The following ENAH variants were observed in gnomAD, a reference collection of about 807,000 sequenced individuals.
ENAH encodes ENAH actin regulator.
ENAH carries 23 observed loss-of-function variants against 78.7 expected under a neutral mutation model. The observed-to-expected ratio is 0.29, with a 90% CI of 0.21 to 0.41. ENAH has a LOEUF of 0.41. ENAH is among the 10% of genes least tolerant of loss of function. The pLI is 1.00. For missense variants in ENAH, 544 were observed against 691.0 expected, an observed-to-expected ratio of 0.79 and a Z score of 2.39; for synonymous variants, 226 against 241.0, an observed-to-expected ratio of 0.94 and a Z score of 0.58.
chr1:225,512,834 C>CA (rs2096387979), intron 8 of ENAH, 37 bp downstream of exon 8: 4 of 1,609,260 alleles, frequency 2.5e-6, no homozygotes, highest in African/African-American at 1.3e-5. Flanking sequence ...AAAATCCTCT[C>CA]AATTCTGGGC....
intron 1 of ENAH, among the ~76,000 whole-genome samples, chr1:225,597,655 C>CAAA (rs565567062): frequency 1.3e-4 from 8 of 61,092 alleles, no homozygotes; most frequent in South Asian, 5.1e-4. Context: ...AAGAGCATCT[C>CAAA]AAAAAAAAAA....
intron 1 of ENAH, among the ~76,000 whole-genome samples, chr1:225,598,066 A>G (rs1043196048): frequency 6.6e-6 from 1 of 152,150 alleles, no homozygotes; most frequent in Non-Finnish European, 1.5e-5. Flanking sequence ...GTTAACATAA[A>G]GAACTGAAGA....
At chr1:225,646,679 C>T (rs112786635) in intron 1 of ENAH, among the ~76,000 whole-genome samples, 39,716 of 151,852 alleles carry the variant, frequency 0.26, 6,135 homozygotes, top group East Asian at 0.4. Context: ...GTCCCACCTG[C>T]TCAGGAGGCT....
chr1:225,537,437 T>C (rs1214575434), intron 3 of ENAH, among the ~76,000 whole-genome samples: 2 of 152,196 alleles, frequency 1.3e-5, no homozygotes, highest in African/African-American at 2.4e-5. Context: ...TTCTGATAGG[T>C]TGCTTAAATT....
chr1:225,505,204 T>G, intron 11 of ENAH: 2 of 534,642 alleles, frequency 3.7e-6, no homozygotes, highest in East Asian at 6.3e-5. Context: ...CAATAAAAGA[T>G]ATTTTAAGAT....
intron 3 of ENAH, among the ~76,000 whole-genome samples, chr1:225,548,014 A>C (rs1380807129): frequency 6.6e-6 from 1 of 152,216 alleles, no homozygotes; most frequent in African/African-American, 2.4e-5. Flanking sequence ...ATCTGTGAGG[A>C]CAAGACTTGT....
chr1:225,619,824 C>CTACT (rs1656474752), intron 1 of ENAH, among the ~76,000 whole-genome samples: 1 of 152,080 alleles, frequency 6.6e-6, no homozygotes, highest in South Asian at 2.1e-4. Flanking sequence ...ATACCAAAAA[C>CTACT]TACTTGTACC....
intron 1 of ENAH, among the ~76,000 whole-genome samples, chr1:225,615,079 C>G (rs1170779607): frequency 1.3e-5 from 2 of 152,138 alleles, no homozygotes; most frequent in Non-Finnish European, 2.9e-5. Flanking sequence ...TCCACGGTCT[C>G]CCTCTGATGC....
intron 12 of ENAH, among the ~76,000 whole-genome samples, chr1:225,498,942 G>A (rs1233770106): frequency 6.6e-6 from 1 of 152,190 alleles, no homozygotes; most frequent in African/African-American, 2.4e-5. Flanking sequence ...GAAGGTGGAT[G>A]AGGCCCTGGT....
chr1:225,564,838 C>T (rs946703011), intron 2 of ENAH, among the ~76,000 whole-genome samples: 2 of 151,770 alleles, frequency 1.3e-5, no homozygotes, highest in African/African-American at 2.4e-5. Flanking sequence ...TTGGGTTAAG[C>T]TCATTATTTT....
In ENAH at chr1:225,493,500, T is replaced by C. The variant is rs1485365816; in HGVS notation, c.*4275A>G. On this transcript the variant is annotated 3_prime_UTR_variant, in exon 14 of 14. Coordinates refer to ENST00000366843, the MANE Select transcript of ENAH (RefSeq NM_018212.6). ...GCTTTTAGTGAAAAGGCAGAGGTAT[T>C]AAACATCAGTAATTTCAATATACTA... The C allele has an allele frequency of 1.3e-5, 2 of 152,230 alleles. No homozygotes were observed. Among genetic ancestry groups the C allele is most frequent in the East Asian group, 3.8e-4 (2 of 5,208 alleles). The allele number at this position is 152,230 out of a possible 1,614,324, so 9.4% of individuals were successfully genotyped here.
chr1:225,562,218 GC>G (rs2096709813), intron 2 of ENAH, among the ~76,000 whole-genome samples: 2 of 151,842 alleles, frequency 1.3e-5, no homozygotes, highest in South Asian at 4.2e-4. Flanking sequence ...ACTGCACCCA[GC>G]CAACATTCCC....
intron 4 of ENAH, among the ~76,000 whole-genome samples, chr1:225,526,916 T>C (rs1039861704): frequency 5.9e-5 from 9 of 152,174 alleles, no homozygotes; most frequent in African/African-American, 2.2e-4. Context: ...TGTTCATATT[T>C]ATAAGCAGCA....
chr1:225,541,574 A>T (rs546704598), intron 3 of ENAH, among the ~76,000 whole-genome samples: 1 of 152,334 alleles, frequency 6.6e-6, no homozygotes, highest in South Asian at 2.1e-4. Flanking sequence ...TAAAGCTGTT[A>T]CGGAAAATAA....
chr1:225,565,917 G>A (rs2096732695), intron 2 of ENAH, among the ~76,000 whole-genome samples: 1 of 152,188 alleles, frequency 6.6e-6, no homozygotes, highest in African/African-American at 2.4e-5. Flanking sequence ...AGAGAGGGCA[G>A]AAAGAGAGGC....
At chr1:225,555,149 G>T in intron 2 of ENAH, 66 bp from the exon 3 acceptor site, 4 of 1,347,796 alleles carry the variant, frequency 3.0e-6, no homozygotes, top group Non-Finnish European at 4.0e-6. Context: ...GTCAACAAAT[G>T]CTGATTGTAT....
intron 1 of ENAH, among the ~76,000 whole-genome samples, chr1:225,588,538 A>G (rs760490768): frequency 9.9e-5 from 15 of 152,240 alleles, no homozygotes; most frequent in Non-Finnish European, 2.1e-4. Flanking sequence ...GGCCGGGCAT[A>G]GTGGCTCACG....
Position 225,497,526 on chromosome 1 carries a change from A to G in ENAH, c.*249T>C, listed in dbSNP as rs2096255113. 3.0e-6 allele frequency: 1 copy of G among 328,488 alleles called. No homozygotes were observed. The highest frequency in any genetic ancestry group is 5.6e-6 in the Non-Finnish European group (1 of 178,600). The allele number at this position is 328,488 out of a possible 1,614,324, so 20.3% of individuals were successfully genotyped here. On this transcript the variant is annotated 3_prime_UTR_variant, in exon 14 of 14. Coordinates refer to ENST00000366843, the MANE Select transcript of ENAH (RefSeq NM_018212.6). Reference sequence around the variant, plus strand: ...TATTTTCTGCATAACTGTTACAGGAACTCTTAAATGATTCTCTTCCATTCT... The same window carrying G: ...TATTTTCTGCATAACTGTTACAGGAGCTCTTAAATGATTCTCTTCCATTCT...
intron 1 of ENAH, among the ~76,000 whole-genome samples, chr1:225,601,492 T>TC (rs1471231660): frequency 1.3e-5 from 2 of 148,394 alleles, no homozygotes; most frequent in African/African-American, 5.0e-5. Flanking sequence ...CACGCCAGCC[T>TC]GGGTGACAGA....
Sources: gnomAD v4.1 joint callset for allele counts (sites outside exome capture counted in the v4.1 genomes callset) on GRCh38, gnomAD v4.1.1 for gene constraint, MANE v1.5 for transcripts, NCBI Gene and HGNC (gene_info 2026-07-23, HGNC 2026-07-21) for gene names.